CLVS1: variants seen among roughly 807,000 people sequenced by gnomAD.
CLVS1 encodes the protein clavesin-1.
A neutral mutation model predicts 33.1 loss-of-function variants in CLVS1; 10 were observed. The observed-to-expected ratio is 0.30, with a 90% CI of 0.19 to 0.51. The LOEUF is 0.51. Among genes scored for constraint, CLVS1 ranks in the 20% least tolerant of loss-of-function variants. CLVS1 has a pLI of 0.97. For synonymous variants in CLVS1, 163 were observed against 166.1 expected (o/e 0.98, Z 0.14); for missense variants, 343 against 433.4 (o/e 0.79, Z 1.85).
intron 3 of CLVS1, among the ~76,000 whole-genome samples, chr8:61,429,522 A>C (rs1486116690): frequency 6.6e-6 from 1 of 151,950 alleles, no homozygotes; most frequent in Non-Finnish European, 1.5e-5. Flanking sequence ...TATTGGCATT[A>C]ATTCATTCAT....
At chr8:61,098,402 G>GAT (rs59671943) in intron 1 of CLVS1, among the ~76,000 whole-genome samples, 15,461 of 143,722 alleles carry the variant, frequency 0.11, 825 homozygotes, top group African/African-American at 0.16. Flanking sequence ...TAGGGAAACT[G>GAT]ATATATATAT....
At chr8:61,063,597 A>G (rs1048085634) in intron 1 of CLVS1, among the ~76,000 whole-genome samples, 1 of 152,182 alleles carries the variant, frequency 6.6e-6, no homozygotes, top group African/African-American at 2.4e-5. Flanking sequence ...AGTGGAGGTG[A>G]GGGATTTGAT....
At chr8:61,371,160 TA>T (rs1328949596) in intron 2 of CLVS1, among the ~76,000 whole-genome samples, 4 of 152,346 alleles carry the variant, frequency 2.6e-5, no homozygotes, top group Middle Eastern at 3.4e-3. Context: ...CAACAACTAT[TA>T]TTTTTTTGAT....
At chr8:61,236,914 G>A (rs1188136336) in intron 2 of CLVS1, among the ~76,000 whole-genome samples, 1 of 152,192 alleles carries the variant, frequency 6.6e-6, no homozygotes, top group African/African-American at 2.4e-5. Context: ...ACCTCTGACT[G>A]CCTACAATGC....
At chr8:61,271,292 C>A (rs971661929) in intron 2 of CLVS1, among the ~76,000 whole-genome samples, 3 of 151,280 alleles carry the variant, frequency 2.0e-5, no homozygotes, top group African/African-American at 7.3e-5. Context: ...CATTCAGGAG[C>A]AGGTTGTTCA....
chr8:61,189,907 C>A (rs148037620), intron 2 of CLVS1, among the ~76,000 whole-genome samples: 10,701 of 152,140 alleles, frequency 0.07, 493 homozygotes, highest in East Asian at 0.15. Flanking sequence ...GACTTAGACT[C>A]CCACACAATA....
Position 61,137,134 on chromosome 8 carries a change from A to G in CLVS1, c.-152+5274A>G, listed in dbSNP as rs1052641348. Among the ~76,000 whole-genome samples the G allele has an allele frequency of 1.2e-4, 18 of 152,230 alleles. 1 individual carries two copies. Among genetic ancestry groups the G allele is most frequent in the Admixed American group, 1.2e-3 (18 of 15,282 alleles). ...CTAAGAGCTATGCAGCGTGCTGCAT[A>G]ATAGAAGACATTTAATGGGGTGCAT... On this transcript the variant is annotated intron_variant, in intron 2 of 2. Transcript: ENST00000522621.
chr8:61,124,610 A>G (rs568113160), intron 1 of CLVS1, among the ~76,000 whole-genome samples: 4 of 152,242 alleles, frequency 2.6e-5, no homozygotes, highest in African/African-American at 9.6e-5. Context: ...AAAGCCCCAG[A>G]CTTTGGTACT....
intron 2 of CLVS1, among the ~76,000 whole-genome samples, chr8:61,196,994 C>G (rs1261156007): frequency 1.3e-5 from 2 of 152,148 alleles, no homozygotes; most frequent in Non-Finnish European, 2.9e-5. Context: ...TTGGTTTCAC[C>G]TGCTTCATCC....
intron 2 of CLVS1, among the ~76,000 whole-genome samples, chr8:61,366,064 A>T (rs564811572): frequency 2.6e-5 from 4 of 152,274 alleles, no homozygotes; most frequent in Admixed American, 2.6e-4. Context: ...CATGAAATTA[A>T]TTTTTTATAT....
intron 3 of CLVS1, among the ~76,000 whole-genome samples, chr8:61,396,340 T>C (rs1318700160): frequency 6.6e-6 from 1 of 152,108 alleles, no homozygotes; most frequent in East Asian, 1.9e-4. Context: ...GTTTAAAAAA[T>C]AAAAAGTAAT....
the CLVS1 span, among the ~76,000 whole-genome samples, chr8:61,000,493 G>A: frequency 2.0e-5 from 3 of 152,192 alleles, no homozygotes; most frequent in Non-Finnish European, 2.9e-5. Context: ...CACAGGAGAC[G>A]TGAGAGGGAT....
At position 61,485,394 on chromosome 8, in the gene CLVS1, G is replaced by T. The variant is rs1194977825; in HGVS notation, c.978-14061G>T. Among the ~76,000 whole-genome samples, 3 of 152,266 alleles carry T rather than the reference G, an allele frequency of 2.0e-5. No homozygotes were observed. The East Asian group carries it at 5.8e-4, about 29-fold the overall frequency. On this transcript the variant is annotated intron_variant, in intron 5 of 5. Transcript: ENST00000325897. ...GAAATGCAAATCAAAACCACAATGAGATACCATCTCACACCAGTTAGAATG... is the reference window on the plus strand; with the variant it reads ...GAAATGCAAATCAAAACCACAATGATATACCATCTCACACCAGTTAGAATG...
At chr8:61,284,246 T>G (rs991730229), upstream of CLVS1, among the ~76,000 whole-genome samples, 1 of 152,220 alleles carries the variant, frequency 6.6e-6, no homozygotes, top group African/African-American at 2.4e-5. Flanking sequence ...AATGAGATAC[T>G]GGCCACAGAT....
At chr8:61,284,227 A>G (rs1313211366), upstream of CLVS1, among the ~76,000 whole-genome samples, 1 of 152,210 alleles carries the variant, frequency 6.6e-6, no homozygotes, top group Non-Finnish European at 1.5e-5. Context: ...GGCAGGACAG[A>G]GGGAGGGTAA....
At chr8:61,427,959 C>T (rs910933962) in intron 3 of CLVS1, among the ~76,000 whole-genome samples, 3 of 152,290 alleles carry the variant, frequency 2.0e-5, no homozygotes, top group Non-Finnish European at 2.9e-5. Context: ...GACACACACA[C>T]GATATGCACC....
the CLVS1 span, among the ~76,000 whole-genome samples, chr8:61,052,078 T>C: frequency 1.3e-5 from 2 of 152,096 alleles, no homozygotes; most frequent in Admixed American, 1.3e-4. Context: ...GAGGCTGGGA[T>C]GGGCAAGGGG....
chr8:61,145,268 A>G (rs1320016210), intron 2 of CLVS1, among the ~76,000 whole-genome samples: 1 of 152,248 alleles, frequency 6.6e-6, no homozygotes, highest in Non-Finnish European at 1.5e-5. Flanking sequence ...GAAAAAACAA[A>G]CAATCCCATG....
At chr8:61,344,827 A>G (rs567371936) in intron 2 of CLVS1, among the ~76,000 whole-genome samples, 1 of 151,968 alleles carries the variant, frequency 6.6e-6, no homozygotes, top group South Asian at 2.1e-4. Flanking sequence ...CTTCTTTGGT[A>G]AGTAGTAATA....
Sources: gnomAD v4.1 joint callset for allele counts (sites outside exome capture counted in the v4.1 genomes callset) on GRCh38, gnomAD v4.1.1 for gene constraint, MANE v1.5 for transcripts, NCBI Gene and HGNC (gene_info 2026-07-23, HGNC 2026-07-21) for gene names.